UNC13C: variants seen among roughly 807,000 people sequenced by gnomAD.
The protein encoded by UNC13C is unc-13 homolog C.
Under a neutral mutation model 245.4 loss-of-function variants are expected in UNC13C, and 174 were observed. The observed-to-expected ratio is 0.71, with a 90% CI of 0.63 to 0.80. The LOEUF (loss-of-function observed/expected upper bound fraction) is 0.80, where lower values mean the gene tolerates loss of function less well. UNC13C is among the 30% of genes least tolerant of loss of function. The pLI is 0.00. For synonymous variants in UNC13C, 992 were observed against 895.1 expected, an observed-to-expected ratio of 1.11 and a Z score of -1.93; for missense variants, 2,829 against 2,602.9, an observed-to-expected ratio of 1.09 and a Z score of -1.89.
At chr15:54,377,309 C>G (rs1346375511) in intron 17 of UNC13C, among the ~76,000 whole-genome samples, 1 of 152,258 alleles carries the variant, frequency 6.6e-6, no homozygotes, top group East Asian at 1.9e-4. Context: ...GTCAAAGTCA[C>G]CCATGTTCAA....
intron 19 of UNC13C, among the ~76,000 whole-genome samples, chr15:54,446,230 G>A (rs1182052212): frequency 6.6e-6 from 1 of 152,122 alleles, no homozygotes; most frequent in Non-Finnish European, 1.5e-5. Context: ...GTAGCGTGAT[G>A]CCTCCAGCTT....
Position 54,014,532 on chromosome 15 carries a change from T to G in UNC13C, c.1629T>G (p.Thr543=). The stretch of plus-strand genomic sequence containing the variant: ...GGCACTCACAGAGTGATTTTTTCAC[T>G]GCTAAACTTAGTCGTTCTGAATCAG... The part of the protein sequence containing the change: ...PLWHSQSDFF[T]AKLSRSESDF... The change falls in exon 2 of 33, where the codon ACT becomes ACG. Residue 543 remains threonine, a synonymous_variant. Coordinates refer to ENST00000260323, the MANE Select transcript of UNC13C (RefSeq NM_001080534.3). 1 of 1,613,884 alleles carries G rather than the reference T, an allele frequency of 6.2e-7. No homozygotes were observed. Among genetic ancestry groups the G allele is most frequent in the East Asian group, 2.2e-5 (1 of 44,886 alleles).
At chr15:54,103,696 T>C (rs1439846300) in intron 2 of UNC13C, among the ~76,000 whole-genome samples, 2 of 152,144 alleles carry the variant, frequency 1.3e-5, no homozygotes, top group Non-Finnish European at 2.9e-5. Context: ...ATCAGACCTA[T>C]CAGACAACTC....
At chr15:54,132,445 A>G (rs187605016) in intron 2 of UNC13C, among the ~76,000 whole-genome samples, 2 of 152,336 alleles carry the variant, frequency 1.3e-5, no homozygotes, top group African/African-American at 4.8e-5. Context: ...TTAAATCAGC[A>G]TTAATCTCCC....
chr15:54,454,801 TATTC>T (rs57819978), intron 19 of UNC13C, among the ~76,000 whole-genome samples: 37,527 of 139,138 alleles, frequency 0.27, 4,982 homozygotes, highest in Middle Eastern at 0.31. Flanking sequence ...AAATTTTATT[TATTC>T]ATTCATTCAT....
At chr15:53,998,053 T>C (rs554448038) in intron 1 of UNC13C, among the ~76,000 whole-genome samples, 6 of 152,148 alleles carry the variant, frequency 3.9e-5, no homozygotes, top group South Asian at 2.1e-4. Flanking sequence ...TCTTCCTACT[T>C]TGGCCTCCCA....
chr15:54,086,650 G>A (rs1899253673), intron 2 of UNC13C, among the ~76,000 whole-genome samples: 2 of 151,760 alleles, frequency 1.3e-5, no homozygotes, highest in South Asian at 4.2e-4. Context: ...CTGTTGAAAT[G>A]CAGCAATGTG....
chr15:54,305,451 G>A (rs1000485314), intron 13 of UNC13C, among the ~76,000 whole-genome samples: 8 of 151,978 alleles, frequency 5.3e-5, no homozygotes, highest in African/African-American at 1.9e-4. Context: ...TGATGCTTTT[G>A]CAATTGAATT....
chr15:53,875,593 G>GA, the UNC13C span, among the ~76,000 whole-genome samples: 3 of 152,136 alleles, frequency 2.0e-5, no homozygotes, highest in African/African-American at 7.2e-5. Flanking sequence ...AATGTGATGG[G>GA]AACTGCATTT....
At chr15:54,550,232 G>A (rs1896679003) in intron 28 of UNC13C, among the ~76,000 whole-genome samples, 1 of 152,138 alleles carries the variant, frequency 6.6e-6, no homozygotes, top group Non-Finnish European at 1.5e-5. Flanking sequence ...GTTAAGGGAT[G>A]AGTTCCAGAC....
intron 4 of UNC13C, among the ~76,000 whole-genome samples, chr15:54,152,996 A>G (rs1287604665): frequency 6.6e-6 from 1 of 152,214 alleles, no homozygotes; most frequent in Non-Finnish European, 1.5e-5. Flanking sequence ...TTACAGACAG[A>G]CTATATAGTA....
chr15:54,359,744 T>G (rs1278111797), intron 17 of UNC13C, among the ~76,000 whole-genome samples: 1 of 151,928 alleles, frequency 6.6e-6, no homozygotes, highest in Non-Finnish European at 1.5e-5. Flanking sequence ...CTTCTCTCTT[T>G]TGTACTTACA....
chr15:54,394,537 A>G (rs942455156), intron 18 of UNC13C, among the ~76,000 whole-genome samples: 1 of 151,718 alleles, frequency 6.6e-6, no homozygotes, highest in African/African-American at 2.4e-5. Context: ...GTGTTTTCTT[A>G]TTTACTCTTT....
the UNC13C span, among the ~76,000 whole-genome samples, chr15:53,887,115 A>G: frequency 6.6e-6 from 1 of 152,188 alleles, no homozygotes; most frequent in African/African-American, 2.4e-5. Context: ...TCCTATATCA[A>G]TATGGCTTCA....
chr15:53,923,658 G>T, the UNC13C span, among the ~76,000 whole-genome samples: 5 of 152,218 alleles, frequency 3.3e-5, no homozygotes, highest in African/African-American at 1.2e-4. Flanking sequence ...CAGAGAGTAG[G>T]ATTCAGTTGG....
intron 30 of UNC13C, among the ~76,000 whole-genome samples, chr15:54,604,343 G>T (rs189429845): frequency 6.6e-6 from 1 of 151,956 alleles, no homozygotes; most frequent in African/African-American, 2.4e-5. Flanking sequence ...CAGTTTTTCC[G>T]TTAAGAAACA....
intron 19 of UNC13C, among the ~76,000 whole-genome samples, chr15:54,454,627 C>G (rs1891374539): frequency 6.6e-6 from 1 of 151,094 alleles, no homozygotes; most frequent in Non-Finnish European, 1.5e-5. Context: ...CTGATATCTT[C>G]TATTCTACTT....
At chr15:54,054,892 A>C (rs1327763522) in intron 2 of UNC13C, among the ~76,000 whole-genome samples, 5 of 152,070 alleles carry the variant, frequency 3.3e-5, no homozygotes, top group African/African-American at 7.2e-5. Context: ...GTCAATTTTA[A>C]TTTTTGCTTA....
chr15:54,082,138 C>T (rs574177911), intron 2 of UNC13C, among the ~76,000 whole-genome samples: 16 of 152,176 alleles, frequency 1.1e-4, no homozygotes, highest in South Asian at 6.2e-4. Context: ...TTTAGAAGAC[C>T]GCTGTTAGCC....
Sources: gnomAD v4.1 joint callset for allele counts (sites outside exome capture counted in the v4.1 genomes callset) on GRCh38, gnomAD v4.1.1 for gene constraint, MANE v1.5 for transcripts, NCBI Gene and HGNC (gene_info 2026-07-23, HGNC 2026-07-21) for gene names.